CPNE4: variants seen among roughly 807,000 people sequenced by gnomAD.
The protein encoded by CPNE4 is copine-4.
A neutral mutation model predicts 67.9 loss-of-function variants in CPNE4; 25 were observed. The ratio of observed to expected loss-of-function variants is 0.37; its 90% CI spans 0.27 to 0.51. The LOEUF is 0.51. CPNE4 is among the 20% of genes least tolerant of loss of function. CPNE4 has a pLI of 0.93. For missense variants in CPNE4, 464 were observed against 690.8 expected (o/e 0.67, Z 3.68); for synonymous variants, 242 against 244.9 (o/e 0.99, Z 0.11).
intron 7 of CPNE4, among the ~76,000 whole-genome samples, chr3:131,616,936 A>G (rs1430418297): frequency 6.6e-6 from 1 of 152,212 alleles, no homozygotes; most frequent in Non-Finnish European, 1.5e-5. Flanking sequence ...GTTCAGGTCC[A>G]TCGGGGATAA....
intron 1 of CPNE4, among the ~76,000 whole-genome samples, chr3:132,031,913 C>A (rs1200708263): frequency 6.6e-6 from 1 of 151,958 alleles, no homozygotes; most frequent in East Asian, 1.9e-4. Flanking sequence ...AAGCTTTTTT[C>A]TATTGTTTTG....
chr3:131,855,068 G>A (rs2086385136), intron 2 of CPNE4, among the ~76,000 whole-genome samples: 2 of 152,090 alleles, frequency 1.3e-5, no homozygotes, highest in South Asian at 4.1e-4. Flanking sequence ...TCAAGAGAAA[G>A]TATAATAGCT....
At chr3:131,792,925 G>GTATATATA (rs71622076) in intron 2 of CPNE4, among the ~76,000 whole-genome samples, 20,468 of 134,564 alleles carry the variant, frequency 0.15, 2,196 homozygotes, top group Non-Finnish European at 0.22. Context: ...GTGTGTGTGT[G>GTATATATA]TATCTCCAAC....
At chr3:131,989,137 C>T (rs2073120464) in intron 1 of CPNE4, among the ~76,000 whole-genome samples, 4 of 152,202 alleles carry the variant, frequency 2.6e-5, no homozygotes, top group Admixed American at 2.6e-4. Context: ...GAATGACTCT[C>T]AGGTGCCACA....
intron 1 of CPNE4, among the ~76,000 whole-genome samples, chr3:132,008,002 G>A (rs936067707): frequency 6.6e-6 from 1 of 152,146 alleles, no homozygotes; most frequent in Non-Finnish European, 1.5e-5. Context: ...TAACCTCCTG[G>A]AAAGCAGGGG....
At chr3:131,603,501 C>G (rs1227563131) in intron 7 of CPNE4, among the ~76,000 whole-genome samples, 2 of 152,114 alleles carry the variant, frequency 1.3e-5, no homozygotes, top group African/African-American at 4.8e-5. Context: ...AGTAATAAAT[C>G]TCTTCAAATG....
Position 131,669,621 on chromosome 3 carries a change from G to A in CPNE4, c.681+54C>T, listed in dbSNP as rs547306251. 26 of 1,392,686 alleles carry A rather than the reference G, an allele frequency of 1.9e-5. No homozygotes were observed. The Admixed American group carries it at 4.5e-4, about 24-fold the overall frequency. 86.3% of individuals were successfully genotyped at this position (1,392,686 alleles called of 1,614,324 possible). On this transcript the variant is annotated intron_variant, in intron 7 of 15. Transcript: ENST00000429747. ...TCAATATTATTTTGAAAAGAAATAG[G>A]AAGATTAAATACTTTTTTTAAAAAA...
chr3:131,804,998 T>C (rs1488630134), intron 2 of CPNE4, among the ~76,000 whole-genome samples: 1 of 152,186 alleles, frequency 6.6e-6, no homozygotes, highest in East Asian at 1.9e-4. Context: ...TGGTTTATTA[T>C]TTAAGGGAAA....
chr3:131,537,610 AT>A, intron 15 of CPNE4: 2 of 306,280 alleles, frequency 6.5e-6, no homozygotes, highest in South Asian at 2.9e-5. Context: ...TCTGATGAAC[AT>A]TTTGGTTTAA....
chr3:132,022,183 G>A (rs1337129902), intron 1 of CPNE4, among the ~76,000 whole-genome samples: 2 of 152,184 alleles, frequency 1.3e-5, no homozygotes, highest in Non-Finnish European at 2.9e-5. Context: ...CCCATTCCCT[G>A]GGCAGGGGTA....
At chr3:131,953,392 C>A (rs1426486439) in intron 1 of CPNE4, among the ~76,000 whole-genome samples, 3 of 151,660 alleles carry the variant, frequency 2.0e-5, no homozygotes, top group Non-Finnish European at 2.9e-5. Context: ...AAGTATATTT[C>A]TTCTATGCCT....
intron 1 of CPNE4, among the ~76,000 whole-genome samples, chr3:131,940,177 A>C (rs571590270): frequency 6.6e-6 from 1 of 152,300 alleles, no homozygotes; most frequent in East Asian, 1.9e-4. Flanking sequence ...ATTTATATAA[A>C]AAAAGAAAAC....
chr3:131,753,423 T>A (rs1322909032), intron 2 of CPNE4, among the ~76,000 whole-genome samples: 2 of 152,080 alleles, frequency 1.3e-5, no homozygotes, highest in Admixed American at 1.3e-4. Flanking sequence ...GTAAACATAT[T>A]TGGCTACATA....
chr3:131,772,447 T>C (rs543777688), intron 2 of CPNE4, among the ~76,000 whole-genome samples: 6 of 152,182 alleles, frequency 3.9e-5, no homozygotes, highest in Admixed American at 6.5e-5. Flanking sequence ...TGAGGCAGCA[T>C]CTCCACATTA....
At chr3:131,788,034 T>C (rs6762468) in intron 2 of CPNE4, among the ~76,000 whole-genome samples, 8,170 of 152,158 alleles carry the variant, frequency 0.054, 351 homozygotes, top group African/African-American at 0.12. Flanking sequence ...AATTTTTAAA[T>C]ATAAAAATTA....
intron 1 of CPNE4, among the ~76,000 whole-genome samples, chr3:132,002,598 G>A (rs1202267661): frequency 1.3e-5 from 2 of 152,088 alleles, no homozygotes; most frequent in East Asian, 1.9e-4. Context: ...TGCAGTTTGT[G>A]AAAATATGAC....
chr3:131,982,927 G>A (rs1468882785), intron 1 of CPNE4, among the ~76,000 whole-genome samples: 3 of 151,878 alleles, frequency 2.0e-5, no homozygotes, highest in African/African-American at 7.2e-5. Context: ...TTCTATTAAA[G>A]TGATAGATAA....
At chr3:131,581,695 G>C in intron 8 of CPNE4, 30 bp from the exon 9 acceptor site, 1 of 1,534,996 alleles carries the variant, frequency 6.5e-7, no homozygotes, top group Non-Finnish European at 9.0e-7. Flanking sequence ...ATGAGAATCT[G>C]TTCAGGAAAA....
intron 7 of CPNE4, among the ~76,000 whole-genome samples, chr3:131,623,249 T>C (rs1194449265): frequency 6.6e-6 from 1 of 152,196 alleles, no homozygotes; most frequent in Non-Finnish European, 1.5e-5. Context: ...AACCCTGAAC[T>C]TTTATTTTTA....
Sources: allele counts gnomAD v4.1 joint callset (sites outside exome capture counted in the v4.1 genomes callset), GRCh38; gene constraint gnomAD v4.1.1; transcripts MANE v1.5; gene names NCBI Gene and HGNC (gene_info 2026-07-23, HGNC 2026-07-21).